The following KSR2 variants were observed in gnomAD, a reference collection of about 807,000 sequenced individuals.
KSR2 encodes the protein kinase suppressor of ras 2.
KSR2 carries 25 observed loss-of-function variants against 107.8 expected under a neutral mutation model. The ratio of observed to expected loss-of-function variants is 0.23; its 90% CI spans 0.17 to 0.32. The LOEUF (loss-of-function observed/expected upper bound fraction) is 0.32, where lower values mean the gene tolerates loss of function less well. Among genes scored for constraint, KSR2 ranks in the 10% least tolerant of loss-of-function variants. The pLI is 1.00. For synonymous variants in KSR2, 480 were observed against 507.0 expected (o/e 0.95, Z 0.71); for missense variants, 887 against 1,268.9 (o/e 0.70, Z 4.57).
intron 4 of KSR2, among the ~76,000 whole-genome samples, chr12:117,706,485 C>A (rs755678383): frequency 3.3e-5 from 5 of 152,092 alleles, no homozygotes; most frequent in Non-Finnish European, 4.4e-5. Flanking sequence ...GAAATGGTAA[C>A]CTCTTCTCTC....
intron 4 of KSR2, among the ~76,000 whole-genome samples, chr12:117,696,967 T>G (rs7136672): frequency 6.6e-6 from 1 of 152,068 alleles, no homozygotes; most frequent in Non-Finnish European, 1.5e-5. Flanking sequence ...ATGACATAAT[T>G]TGTGCACTGG....
At chr12:117,901,330 T>G (rs1402824690) in intron 1 of KSR2, among the ~76,000 whole-genome samples, 1 of 150,938 alleles carries the variant, frequency 6.6e-6, no homozygotes, top group Non-Finnish European at 1.5e-5. Context: ...TGAGACAGAA[T>G]CTCACTCTGT....
chr12:117,750,321 G>A (rs1480076314), intron 4 of KSR2, among the ~76,000 whole-genome samples: 1 of 150,132 alleles, frequency 6.7e-6, no homozygotes, highest in Non-Finnish European at 1.5e-5. Flanking sequence ...AATTTCTCAG[G>A]AGCATACATT....
chr12:117,649,949 C>A (rs1006989600), intron 5 of KSR2, among the ~76,000 whole-genome samples: 2 of 152,142 alleles, frequency 1.3e-5, no homozygotes, highest in African/African-American at 4.8e-5. Flanking sequence ...GACAGGGACC[C>A]CACATTATTC....
At chr12:117,587,710 G>A (rs1880087659) in intron 5 of KSR2, among the ~76,000 whole-genome samples, 1 of 152,142 alleles carries the variant, frequency 6.6e-6, no homozygotes, top group Admixed American at 6.5e-5. Context: ...AGTCTACAGG[G>A]GGAAATCAGA....
At chr12:117,915,763 G>C (rs1019753825) in intron 1 of KSR2, among the ~76,000 whole-genome samples, 1 of 151,962 alleles carries the variant, frequency 6.6e-6, no homozygotes, top group Non-Finnish European at 1.5e-5. Context: ...CCTTCTCCAA[G>C]ACCTGAAGAA....
At chr12:117,705,999 G>C (rs1248507345) in intron 4 of KSR2, among the ~76,000 whole-genome samples, 2 of 151,244 alleles carry the variant, frequency 1.3e-5, no homozygotes, top group Non-Finnish European at 2.9e-5. Context: ...TTAACTGAGT[G>C]CCTGCCCTGT....
intron 4 of KSR2, among the ~76,000 whole-genome samples, chr12:117,698,995 C>G (rs1263625740): frequency 6.6e-6 from 1 of 152,184 alleles, no homozygotes; most frequent in African/African-American, 2.4e-5. Flanking sequence ...AGAGGCCATC[C>G]CGTCCCCTTC....
chr12:117,867,176 C>T (rs1014463564), intron 1 of KSR2, among the ~76,000 whole-genome samples: 1 of 152,078 alleles, frequency 6.6e-6, no homozygotes, highest in African/African-American at 2.4e-5. Flanking sequence ...ATGATCCAGG[C>T]ATGGTGTTGT....
intron 5 of KSR2, among the ~76,000 whole-genome samples, chr12:117,637,674 G>GTTTTTTTTTT (rs1593077593): frequency 1.1e-4 from 4 of 37,382 alleles, no homozygotes; most frequent in East Asian, 4.3e-3. Flanking sequence ...GTCAGTTTTG[G>GTTTTTTTTTT]GTTTTTTTTT....
chr12:117,616,289 C>T (rs753801768), intron 5 of KSR2, among the ~76,000 whole-genome samples: 2 of 151,918 alleles, frequency 1.3e-5, no homozygotes, highest in Non-Finnish European at 2.9e-5. Context: ...AGAAAAAGAT[C>T]AGCAAAAGTC....
chr12:117,630,906 G>A (rs1426431423), intron 5 of KSR2, among the ~76,000 whole-genome samples: 2 of 152,142 alleles, frequency 1.3e-5, no homozygotes, highest in African/African-American at 4.8e-5. Flanking sequence ...TGTTTCCTGT[G>A]GGTATAGATT....
intron 3 of KSR2, among the ~76,000 whole-genome samples, chr12:117,830,072 A>C (rs1891902873): frequency 6.6e-6 from 1 of 152,130 alleles, no homozygotes. Flanking sequence ...GTTCGAGACC[A>C]GCTTGGCCAA....
intron 3 of KSR2, among the ~76,000 whole-genome samples, chr12:117,853,208 G>A (rs1222205476): frequency 1.3e-5 from 2 of 152,316 alleles, no homozygotes; most frequent in African/African-American, 2.4e-5. Context: ...TCACAGCAGC[G>A]TTGCTTATGA....
chr12:117,763,417 A>G (rs1181853541), intron 3 of KSR2, among the ~76,000 whole-genome samples: 1 of 152,220 alleles, frequency 6.6e-6, no homozygotes, highest in African/African-American at 2.4e-5. Context: ...TGGTCTAAAG[A>G]CACAGATTCT....
At chr12:117,578,519 T>C (rs573537919) in intron 7 of KSR2, among the ~76,000 whole-genome samples, 51 of 151,166 alleles carry the variant, frequency 3.4e-4, no homozygotes, top group Non-Finnish European at 6.6e-4. Flanking sequence ...GGAGAATTGC[T>C]TGAACCCAGG....
intron 3 of KSR2, among the ~76,000 whole-genome samples, chr12:117,838,859 T>A (rs1892349976): frequency 6.6e-6 from 1 of 152,248 alleles, no homozygotes; most frequent in African/African-American, 2.4e-5. Flanking sequence ...TTAGCAAACA[T>A]TTTCTCTAAA....
intron 5 of KSR2, among the ~76,000 whole-genome samples, chr12:117,625,446 A>G (rs1392675881): frequency 6.6e-6 from 1 of 152,206 alleles, no homozygotes; most frequent in Non-Finnish European, 1.5e-5. Context: ...CCTTTTCTAC[A>G]TCTATTGAGA....
At chr12:117,781,468 G>A (rs1214250244) in intron 3 of KSR2, among the ~76,000 whole-genome samples, 3 of 152,180 alleles carry the variant, frequency 2.0e-5, no homozygotes, top group East Asian at 3.9e-4. Context: ...AGGGAAGGGG[G>A]AAAGTGAGGC....
Sources: allele counts gnomAD v4.1 joint callset (sites outside exome capture counted in the v4.1 genomes callset), GRCh38; gene constraint gnomAD v4.1.1; transcripts MANE v1.5; gene names NCBI Gene and HGNC (gene_info 2026-07-23, HGNC 2026-07-21).